BMPER: variants seen among roughly 807,000 people sequenced by gnomAD.
The protein encoded by BMPER is BMP-binding endothelial regulator protein.
Under a neutral mutation model 87.3 loss-of-function variants are expected in BMPER, and 45 were observed. That is an observed-to-expected ratio of 0.52 (90% CI 0.41 to 0.66). BMPER has a LOEUF of 0.66. BMPER is among the 30% of genes least tolerant of loss of function. The probability of loss-of-function intolerance (pLI) is 0.00; values close to 1 mark genes in which losing one functional copy is unlikely to be tolerated. For missense variants in BMPER, 784 were observed against 867.5 expected, an observed-to-expected ratio of 0.90 and a Z score of 1.21; for synonymous variants, 326 against 316.2, an observed-to-expected ratio of 1.03 and a Z score of -0.33.
chr7:34,013,083 A>C (rs1786924795), intron 6 of BMPER, among the ~76,000 whole-genome samples: 1 of 151,774 alleles, frequency 6.6e-6, no homozygotes, highest in African/African-American at 2.4e-5. Context: ...TAAAACTTGC[A>C]CGCAGAACAT....
intron 6 of BMPER, among the ~76,000 whole-genome samples, chr7:34,023,366 A>T (rs1272882531): frequency 6.6e-6 from 1 of 152,066 alleles, no homozygotes. Context: ...CAGTGTGGGA[A>T]ATAAATCTAG....
chr7:33,986,998 C>G (rs1419182889), intron 6 of BMPER, among the ~76,000 whole-genome samples: 1 of 152,100 alleles, frequency 6.6e-6, no homozygotes, highest in Admixed American at 6.6e-5. Flanking sequence ...CTTCCACTTC[C>G]CTGTCCCTGG....
chr7:33,930,231 G>A (rs748450586), intron 2 of BMPER, among the ~76,000 whole-genome samples: 7 of 152,032 alleles, frequency 4.6e-5, no homozygotes, highest in Non-Finnish European at 8.8e-5. Context: ...GTTGAGTTGA[G>A]AGACATGACC....
intron 13 of BMPER, among the ~76,000 whole-genome samples, chr7:34,141,214 G>C (rs927354856): frequency 7.9e-6 from 1 of 126,966 alleles, no homozygotes; most frequent in African/African-American, 2.8e-5. Flanking sequence ...GAATTCCAGA[G>C]TCTCTACCCA....
chr7:33,966,411 C>A, intron 3 of BMPER, 68 bp from the exon 4 acceptor site: 1 of 1,354,658 alleles, frequency 7.4e-7, no homozygotes, highest in Non-Finnish European at 1.1e-6. Context: ...ACTTATTTTG[C>A]TCCAAAAGGT....
intron 13 of BMPER, among the ~76,000 whole-genome samples, chr7:34,087,525 A>C (rs899239376): frequency 6.6e-6 from 1 of 151,832 alleles, no homozygotes; most frequent in Non-Finnish European, 1.5e-5. Flanking sequence ...TTATCTGTGA[A>C]GTGGGGATAA....
intron 11 of BMPER, among the ~76,000 whole-genome samples, chr7:34,071,377 G>A (rs1481002392): frequency 6.6e-6 from 1 of 152,132 alleles, no homozygotes; most frequent in Non-Finnish European, 1.5e-5. Context: ...CATGTTATAG[G>A]CAAACAAATT....
chr7:34,096,077 T>G (rs1475689232), intron 13 of BMPER, among the ~76,000 whole-genome samples: 1 of 152,204 alleles, frequency 6.6e-6, no homozygotes, highest in East Asian at 1.9e-4. Flanking sequence ...GTGGCTCTTG[T>G]GCGAACAGGC....
At chr7:33,973,165 T>C (rs1007626438) in intron 5 of BMPER, among the ~76,000 whole-genome samples, 1 of 152,238 alleles carries the variant, frequency 6.6e-6, no homozygotes, top group African/African-American at 2.4e-5. Context: ...TCATTTAAAA[T>C]TCATTTAAGT....
At chr7:34,073,349 A>G (rs964734050) in intron 11 of BMPER, among the ~76,000 whole-genome samples, 43 of 152,356 alleles carry the variant, frequency 2.8e-4, no homozygotes, top group African/African-American at 1.0e-3. Flanking sequence ...GGCACACCCT[A>G]TTGCTACTAG....
intron 13 of BMPER, among the ~76,000 whole-genome samples, chr7:34,091,624 A>G (rs997039188): frequency 9.2e-5 from 14 of 152,186 alleles, no homozygotes; most frequent in Admixed American, 8.5e-4. Flanking sequence ...CTCTGAGTTC[A>G]TGTCATTCTC....
chr7:34,100,950 G>A (rs989237307), intron 13 of BMPER, among the ~76,000 whole-genome samples: 1 of 152,080 alleles, frequency 6.6e-6, no homozygotes, highest in African/African-American at 2.4e-5. Flanking sequence ...TATTCAAATC[G>A]CCACTCTTGG....
chr7:33,925,050 C>T (rs977888362), intron 2 of BMPER, among the ~76,000 whole-genome samples: 1 of 152,192 alleles, frequency 6.6e-6, no homozygotes, highest in Non-Finnish European at 1.5e-5. Flanking sequence ...CAGAGCCCTC[C>T]CTAGTGCCCA....
chr7:34,146,447 G>C (rs913874650), intron 14 of BMPER, among the ~76,000 whole-genome samples: 1 of 151,624 alleles, frequency 6.6e-6, no homozygotes, highest in African/African-American at 2.4e-5. Context: ...ATTTAGCATG[G>C]GAATTACTAA....
intron 13 of BMPER, among the ~76,000 whole-genome samples, chr7:34,134,047 C>T (rs780145097): frequency 3.9e-5 from 6 of 152,118 alleles, no homozygotes; most frequent in Non-Finnish European, 5.9e-5. Context: ...AAAAGGTGGA[C>T]GGAGCAGAGG....
intron 13 of BMPER, among the ~76,000 whole-genome samples, chr7:34,107,665 C>T (rs561535792): frequency 2.6e-5 from 4 of 152,106 alleles, no homozygotes; most frequent in African/African-American, 9.7e-5. Flanking sequence ...TAGGGCAGCT[C>T]TCTGTGTTTT....
intron 3 of BMPER, among the ~76,000 whole-genome samples, chr7:33,951,475 T>A (rs1785022337): frequency 6.6e-6 from 1 of 152,206 alleles, no homozygotes; most frequent in Non-Finnish European, 1.5e-5. Flanking sequence ...GACCCATTTT[T>A]TACATTTCAC....
intron 11 of BMPER, among the ~76,000 whole-genome samples, chr7:34,076,030 G>T (rs1019331555): frequency 6.6e-6 from 1 of 152,160 alleles, no homozygotes; most frequent in Non-Finnish European, 1.5e-5. Flanking sequence ...CTTCAATATT[G>T]CTGTCAAACA....
chr7:33,994,276 C>T lies in BMPER; in HGVS notation c.576+19492C>T, dbSNP rs548557893. 1.7e-3 allele frequency among the ~76,000 whole-genome samples: 258 copies of T among 152,238 alleles called. 1 individual carries two copies. Among genetic ancestry groups the T allele is most frequent in the African/African-American group, 6.0e-3 (250 of 41,562 alleles). Reference sequence around the variant, plus strand: ...GCTGTGCTAGCAATCAGCGAGACTCCGTGGGCGTAGGACCCTCCGAGCCAG... The same window carrying T: ...GCTGTGCTAGCAATCAGCGAGACTCTGTGGGCGTAGGACCCTCCGAGCCAG... On this transcript the variant is annotated intron_variant, in intron 6 of 14. Coordinates refer to ENST00000649409, the MANE Select transcript of BMPER (RefSeq NM_001365308.1).
Sources: allele counts gnomAD v4.1 joint callset (sites outside exome capture counted in the v4.1 genomes callset), GRCh38; gene constraint gnomAD v4.1.1; transcripts MANE v1.5; gene names NCBI Gene and HGNC (gene_info 2026-07-23, HGNC 2026-07-21).